Variants in SPAG17 observed in about 807,000 individuals in gnomAD.
SPAG17 encodes the protein sperm-associated antigen 17.
A neutral mutation model predicts 273.6 loss-of-function variants in SPAG17; 169 were observed. That is an observed-to-expected ratio of 0.62 (90% CI 0.55 to 0.70). SPAG17 has a LOEUF of 0.70. Among genes scored for constraint, SPAG17 ranks in the 30% least tolerant of loss-of-function variants. The pLI is 0.00. For synonymous variants in SPAG17, 825 were observed against 873.2 expected (o/e 0.94, Z 0.97); for missense variants, 2,557 against 2,627.8 (o/e 0.97, Z 0.59).
intron 3 of SPAG17, among the ~76,000 whole-genome samples, chr1:118,145,408 A>C (rs1287940783): frequency 6.6e-6 from 1 of 152,192 alleles, no homozygotes; most frequent in South Asian, 2.1e-4. Flanking sequence ...AAAAATTTCT[A>C]TACATCCAGG....
chr1:118,052,310 A>G (rs1651150796), intron 20 of SPAG17, among the ~76,000 whole-genome samples: 1 of 151,766 alleles, frequency 6.6e-6, no homozygotes, highest in Admixed American at 6.6e-5. Flanking sequence ...AGAAACACAA[A>G]TAGCACATGA....
intron 18 of SPAG17, among the ~76,000 whole-genome samples, chr1:118,060,579 G>A (rs763868556): frequency 2.0e-4 from 30 of 152,088 alleles, no homozygotes; most frequent in Admixed American, 5.9e-4. Context: ...TACAGTATTA[G>A]AGTATCCTGA....
Position 118,028,413 on chromosome 1 carries a change from G to A in SPAG17, c.3610-19C>T. ...CTTCTTCCTGTAAATAATTCAGCAT[G>A]TGAATAATGGGCTGTCATTTTCTTA... On this transcript the variant is annotated intron_variant, in intron 25 of 48. Transcript: ENST00000336338. 6.2e-7 allele frequency: 1 copy of A among 1,610,990 alleles called. No individual in the cohort carries two copies. Among genetic ancestry groups the A allele is most frequent in the Non-Finnish European group, 8.5e-7 (1 of 1,178,888 alleles).
chr1:118,158,337 T>C (rs1659754114), intron 1 of SPAG17, among the ~76,000 whole-genome samples: 1 of 152,172 alleles, frequency 6.6e-6, no homozygotes, highest in Non-Finnish European at 1.5e-5. Flanking sequence ...TTTTAGATTT[T>C]GTGCACTGGC....
At position 118,081,636 on chromosome 1, in the gene SPAG17, A is replaced by C; in HGVS notation, c.1769T>G (p.Leu590Trp). Residue 590 changes from leucine (L) to tryptophan (W), a missense_variant, in exon 14 of 49, where the codon TTG becomes TGG. Physicochemically the swap from Leu to Trp is moderately conservative, Grantham distance 61. Transcript: ENST00000336338. ...ELMHFCTSDV[L>W]SWNEVERAFK... ...GGCTCGTTCTACTTCATTCCAGCTC[A>C]AGACATCTGTAAGAAAGCAGAACCA... The C allele has an allele frequency of 1.6e-5, 26 of 1,612,720 alleles. No homozygotes were observed. The highest frequency in any genetic ancestry group is 2.1e-5 in the Non-Finnish European group (25 of 1,178,872).
intron 3 of SPAG17, among the ~76,000 whole-genome samples, chr1:118,124,991 G>A (rs1280450426): frequency 6.6e-6 from 1 of 152,100 alleles, no homozygotes; most frequent in African/African-American, 2.4e-5. Context: ...CATCTTAGCT[G>A]CAAGAGCCTG....
intron 4 of SPAG17, among the ~76,000 whole-genome samples, chr1:118,103,100 C>G (rs942793387): frequency 5.3e-5 from 8 of 152,240 alleles, no homozygotes; most frequent in African/African-American, 1.7e-4. Flanking sequence ...GAAGAAAAAT[C>G]CAACTGGCTA....
At chr1:118,096,275 G>T (rs1407036676) in intron 7 of SPAG17, among the ~76,000 whole-genome samples, 1 of 152,046 alleles carries the variant, frequency 6.6e-6, no homozygotes, top group Admixed American at 6.5e-5. Flanking sequence ...AGAGTCAGAA[G>T]TGTCCATGCC....
At chr1:118,168,690 T>G (rs1001400205) in intron 1 of SPAG17, among the ~76,000 whole-genome samples, 2 of 152,202 alleles carry the variant, frequency 1.3e-5, no homozygotes, top group South Asian at 2.1e-4. Context: ...TAGATGACAC[T>G]TAAATTCTTG....
At chr1:118,155,888 T>C (rs1659624149) in intron 1 of SPAG17, among the ~76,000 whole-genome samples, 1 of 151,904 alleles carries the variant, frequency 6.6e-6, no homozygotes, top group African/African-American at 2.4e-5. Flanking sequence ...CAGCAAGGAG[T>C]GTTGGTATGG....
intron 20 of SPAG17, among the ~76,000 whole-genome samples, chr1:118,047,924 C>A (rs1333541860): frequency 6.6e-6 from 1 of 152,206 alleles, no homozygotes; most frequent in East Asian, 1.9e-4. Flanking sequence ...AAGGTCCAGG[C>A]CTGCTCTAGC....
intron 26 of SPAG17, among the ~76,000 whole-genome samples, chr1:118,026,781 A>C (rs942509594): frequency 6.6e-6 from 1 of 152,162 alleles, no homozygotes; most frequent in African/African-American, 2.4e-5. Flanking sequence ...ACAACCAAAA[A>C]TAAAAAGTCA....
At chr1:118,111,553 AACACACACACACACAC>A (rs61266210) in intron 4 of SPAG17, among the ~76,000 whole-genome samples, 6 of 135,856 alleles carry the variant, frequency 4.4e-5, no homozygotes, top group Admixed American at 7.6e-5. Flanking sequence ...CTTTTAAAAC[AACACACACACACACAC>A]ACACACACAC....
At chr1:118,138,163 C>T (rs945404987) in intron 3 of SPAG17, among the ~76,000 whole-genome samples, 1 of 152,172 alleles carries the variant, frequency 6.6e-6, no homozygotes, top group Non-Finnish European at 1.5e-5. Flanking sequence ...GAAGAACAGA[C>T]TCAATTATAA....
chr1:118,151,261 T>C lies in SPAG17; in HGVS notation c.196A>G (p.Ser66Gly), dbSNP rs545687404. ...AGAATGTCTTGCCACGACACCATAC[T>C]GAAGAGTTTACGCTGAGGGACCTGG... is the stretch of plus-strand genomic sequence containing the variant. ...AVQVPQRKLF[S>G]MVSWQDILQQ... The change falls in exon 2 of 49, where the codon AGT (serine) becomes GGT (glycine). Residue 66 changes from serine to glycine, a missense_variant. Ser to Gly is a moderately conservative substitution (Grantham distance 56). Coordinates refer to ENST00000336338, the MANE Select transcript of SPAG17 (RefSeq NM_206996.4). The C allele has an allele frequency of 2.2e-5, 36 of 1,610,074 alleles. No individual in the cohort carries two copies. The highest frequency in any genetic ancestry group is 3.0e-5 in the Non-Finnish European group (35 of 1,177,470).
In SPAG17 at chr1:118,005,260, T is replaced by C. The variant is rs114312335; in HGVS notation, c.4776+154A>G. Among the ~76,000 whole-genome samples, 59 of 152,342 alleles carry C rather than the reference T, an allele frequency of 3.9e-4. No individual in the cohort carries two copies. The highest frequency in any genetic ancestry group is 7.5e-4 in the Non-Finnish European group (51 of 68,030). On this transcript the variant is annotated intron_variant, in intron 32 of 48. Coordinates refer to ENST00000336338, the MANE Select transcript of SPAG17 (RefSeq NM_206996.4). ...ACACTTAAGAATCAAAGGAAATGTA[T>C]TGACATTCATTACTGCTTGCCCAAA...
chr1:117,964,688 A>T (rs1464818022), intron 47 of SPAG17: 1 of 152,138 alleles, frequency 6.6e-6, no homozygotes, highest in Non-Finnish European at 1.5e-5. Flanking sequence ...TACTTTATGT[A>T]TTGTCTGTCC....
chr1:118,039,406 G>A lies in SPAG17; in HGVS notation c.3205C>T (p.His1069Tyr). 2.5e-6 allele frequency: 4 copies of A among 1,613,358 alleles called. No homozygotes were observed. Among genetic ancestry groups the A allele is most frequent in the Non-Finnish European group, 3.4e-6 (4 of 1,179,600 alleles). ...FIKVRVVKDNHNFMIHLNDPK... is the reference protein window; with the variant it reads ...FIKVRVVKDNYNFMIHLNDPK... ...TCATTTAAATGAATCATAAAATTGT[G>A]GTTGTCCTTTACCACTCTCACTTTG... Residue 1069 changes from histidine to tyrosine, a missense_variant, in exon 23 of 49, where the codon CAC becomes TAC. Transcript: ENST00000336338.
chr1:118,159,450 A>G (rs906822648), intron 1 of SPAG17, among the ~76,000 whole-genome samples: 1 of 152,192 alleles, frequency 6.6e-6, no homozygotes, highest in Non-Finnish European at 1.5e-5. Flanking sequence ...TATTAATACA[A>G]CTTTCAAAAG....
Sources: gnomAD v4.1 joint callset for allele counts (sites outside exome capture counted in the v4.1 genomes callset) on GRCh38, gnomAD v4.1.1 for gene constraint, MANE v1.5 for transcripts, NCBI Gene and HGNC (gene_info 2026-07-23, HGNC 2026-07-21) for gene names.